The following LTBR variants were observed in gnomAD, a reference collection of about 807,000 sequenced individuals.
The protein encoded by LTBR is lymphotoxin beta receptor.
In LTBR, 15 loss-of-function variants were observed where a neutral mutation model predicts 45.4. That is an observed-to-expected ratio of 0.33 (90% CI 0.22 to 0.51). The LOEUF (loss-of-function observed/expected upper bound fraction) is 0.51. Ranked by LOEUF, LTBR falls within the 20% of genes least tolerant of loss-of-function variation. LTBR has a pLI of 0.97. For missense variants in LTBR, 450 were observed against 565.5 expected, an observed-to-expected ratio of 0.80 and a Z score of 2.07; for synonymous variants, 228 against 231.0, an observed-to-expected ratio of 0.99 and a Z score of 0.12.
At chr12:6,377,696 G>A (rs991894190) in intron 1 of LTBR, 24 of 1,294,462 alleles carry the variant, frequency 1.9e-5, no homozygotes, top group Non-Finnish European at 2.4e-5. Context: ...GCAATAAGGT[G>A]CTCAGCACCC....
At chr12:6,382,074 G>A (rs1254460487), upstream of LTBR, among the ~76,000 whole-genome samples, 1 of 96,972 alleles carries the variant, frequency 1.0e-5, no homozygotes, top group Non-Finnish European at 1.9e-5. Flanking sequence ...GTATCTGTAA[G>A]ATCAGTGTAC....
chr12:6,386,449 GGGACCAGGGCTGAGGGACAC>G lies in LTBR; in HGVS notation c.667+8_667+27del. ...CACTGCCCCCAGAGATGTCAGGTGA[GGGACCAGGGCTGAGGGACAC>G]GGGGGGGGCGCCTCTGAAAATGCCT... On this transcript the variant is annotated splice_donor_region_variant and intron_variant, in intron 6 of 9. Coordinates refer to ENST00000228918, the MANE Select transcript of LTBR (RefSeq NM_002342.3). This position sits in a 1 kb window ranked among gnomAD's most constrained non-coding sequence, Gnocchi z 4.1. The G allele has an allele frequency of 6.3e-7, 1 of 1,591,074 alleles. No homozygotes were observed. The highest frequency in any genetic ancestry group is 8.5e-7 in the Non-Finnish European group (1 of 1,171,858).
rs1421747720 is a variant in LTBR, at chr12:6,384,602, G to A, written c.111G>A (p.Ala37=). 1.9e-6 allele frequency: 3 copies of A among 1,614,148 alleles called. No individual in the cohort carries two copies. The highest frequency in any genetic ancestry group is 1.7e-5 in the Admixed American group (1 of 60,024). Residue 37 remains alanine, a synonymous_variant, in exon 2 of 10, where the codon GCG becomes GCA. Coordinates refer to ENST00000228918, the MANE Select transcript of LTBR (RefSeq NM_002342.3). The stretch of plus-strand genomic sequence containing the variant: ...TCCCTTTGAAGGTGCCTCCATATGC[G>A]TCGGAGAACCAGACCTGCAGGGACC... ...ASQPQAVPPY[A]SENQTCRDQE... is the part of the protein sequence containing the mutation.
upstream of LTBR, among the ~76,000 whole-genome samples, chr12:6,382,445 A>G (rs1409590658): frequency 6.6e-6 from 1 of 152,196 alleles, no homozygotes; most frequent in South Asian, 2.1e-4. Flanking sequence ...GAAGAGAGAG[A>G]AAAAAGGACC....
chr12:6,387,313 T>G (rs1443789498), intron 6 of LTBR: 1 of 152,318 alleles, frequency 6.6e-6, no homozygotes, highest in Non-Finnish European at 1.5e-5. Flanking sequence ...TGTTGTTTAC[T>G]AAAAGTGAAG....
chr12:6,386,733 C>A lies in LTBR; in HGVS notation c.667+289C>A. 1 of 327,370 alleles carries A rather than the reference C, an allele frequency of 3.1e-6. No individual in the cohort carries two copies. 20.3% of individuals were successfully genotyped at this position (327,370 alleles called of 1,614,324 possible). On this transcript the variant is annotated intron_variant, in intron 6 of 9. Transcript: ENST00000228918. The surrounding 1 kb of genome is among the most constrained non-coding windows in gnomAD (Gnocchi z 4.1). ...ATTGTCATCATTTTGGGCTTACCAACATTACACAATCCGTTTTTTTTTTTC... is the reference window on the plus strand; with the variant it reads ...ATTGTCATCATTTTGGGCTTACCAAAATTACACAATCCGTTTTTTTTTTTC...
In LTBR at chr12:6,388,928, C is replaced by T; in HGVS notation, c.801+103C>T. 3 of 1,386,064 alleles carry T rather than the reference C, an allele frequency of 2.2e-6. No homozygotes were observed. Among genetic ancestry groups the T allele is most frequent in the South Asian group, 2.4e-5 (2 of 83,694 alleles). The allele number at this position is 1,386,064 out of a possible 1,614,324, so 85.9% of individuals were successfully genotyped here. A position where few individuals can be genotyped will look rare whatever the true frequency, so the allele number is the denominator to read the frequency against. On this transcript the variant is annotated intron_variant, in intron 8 of 9. Transcript: ENST00000228918. This position sits in a 1 kb window ranked among gnomAD's most constrained non-coding sequence, Gnocchi z 4.3. ...TATGCAGGCTGACTCCACACTCATTCATTCATTCAACTGATGATTTACTGA... is the reference window on the plus strand; with the variant it reads ...TATGCAGGCTGACTCCACACTCATTTATTCATTCAACTGATGATTTACTGA...
Position 6,384,472 on chromosome 12 carries a change from T to A in LTBR, c.96+18T>A, listed in dbSNP as rs764759671. On this transcript the variant is annotated intron_variant, in intron 1 of 9. Transcript: ENST00000228918. ...CCCAGGCGGTGAGGAAGGGGCCTGGTAGGAGTGGGCGAGGGTGGGCAAGAG... is the reference window on the plus strand; with the variant it reads ...CCCAGGCGGTGAGGAAGGGGCCTGGAAGGAGTGGGCGAGGGTGGGCAAGAG... 1.0e-5 allele frequency: 16 copies of A among 1,568,246 alleles called. No homozygotes were observed. The highest frequency in any genetic ancestry group is 1.4e-5 in the Non-Finnish European group (16 of 1,157,520).
Position 6,390,645 on chromosome 12 carries a change from C to T in LTBR, c.1031-15C>T. On this transcript the variant is annotated splice_polypyrimidine_tract_variant and intron_variant, in intron 9 of 9. Coordinates refer to ENST00000228918, the MANE Select transcript of LTBR (RefSeq NM_002342.3). ...GGGGCCTTCCTTCCTCAACACTCTG[C>T]CTCCCTTCCTACAGGTACCAATGGC... 2 of 1,500,058 alleles carry T rather than the reference C, an allele frequency of 1.3e-6. No individual in the cohort carries two copies. Among genetic ancestry groups the T allele is most frequent in the South Asian group, 1.4e-5 (1 of 69,870 alleles). The allele number at this position is 1,500,058 out of a possible 1,614,324, so 92.9% of individuals were successfully genotyped here.
chr12:6,382,825 T>A (rs539474590), upstream of LTBR, among the ~76,000 whole-genome samples: 1 of 152,306 alleles, frequency 6.6e-6, no homozygotes, highest in Admixed American at 6.5e-5. Flanking sequence ...AGTGCCCAAG[T>A]GACCTATCTC....
chr12:6,383,263 AG>A (rs141373454), upstream of LTBR, among the ~76,000 whole-genome samples: 1,972 of 151,832 alleles, frequency 0.013, 41 homozygotes, highest in African/African-American at 0.045. Flanking sequence ...GGCAGCTGCA[AG>A]TAACTCCACG....
Position 6,391,520 on chromosome 12 carries a change from AGT to A in LTBR, c.*586_*587del, listed in dbSNP as rs1491317667. On this transcript the variant is annotated 3_prime_UTR_variant, in exon 10 of 10. Transcript: ENST00000228918. ...GTTTTGGAAGGGGAGGAAAATGGCA[AGT>A]GTATTTATATTGTAACCACATGCAA... 3.3e-5 allele frequency: 5 copies of A among 152,200 alleles called. No individual in the cohort carries two copies. The allele number at this position is 152,200 out of a possible 1,614,324, so 9.4% of individuals were successfully genotyped here.
Position 6,384,702 on chromosome 12 carries a change from G to C in LTBR, c.193+18G>C. On this transcript the variant is annotated intron_variant, in intron 2 of 9. Coordinates refer to ENST00000228918, the MANE Select transcript of LTBR (RefSeq NM_002342.3). ...CCCGCCAGGTGAGAGGCAATGGCAG[G>C]ACGAACCTGGGCCTCGGAAGTGGGT... 1 of 1,611,462 alleles carries C rather than the reference G, an allele frequency of 6.2e-7. No individual in the cohort carries two copies. The highest frequency in any genetic ancestry group is 8.5e-7 in the Non-Finnish European group (1 of 1,177,694).
Position 6,386,469 on chromosome 12 carries a change from C to CTG in LTBR, c.667+25_667+26insTG. 3 of 1,483,910 alleles carry CTG rather than the reference C, an allele frequency of 2.0e-6. No individual in the cohort carries two copies. The highest frequency in any genetic ancestry group is 2.8e-6 in the Non-Finnish European group (3 of 1,068,328). The allele number at this position is 1,483,910 out of a possible 1,614,324, so 91.9% of individuals were successfully genotyped here. On this transcript the variant is annotated intron_variant, in intron 6 of 9. Transcript: ENST00000228918. This position sits in a 1 kb window ranked among gnomAD's most constrained non-coding sequence, Gnocchi z 4.1. ...GGTGAGGGACCAGGGCTGAGGGACA[C>CTG]GGGGGGGGCGCCTCTGAAAATGCCT...
Position 6,385,394 on chromosome 12 carries a change from A to G in LTBR, c.472+15A>G, listed in dbSNP as rs1364833564. ...CGAGCTCAAAGGTCAGAGGTCCCTG[A>G]GGGGCTGGATGTGAAAAGGAGGCTG... On this transcript the variant is annotated intron_variant, in intron 4 of 9. Transcript: ENST00000228918. 1.2e-6 allele frequency: 2 copies of G among 1,613,336 alleles called. No individual in the cohort carries two copies. The highest frequency in any genetic ancestry group is 8.5e-7 in the Non-Finnish European group (1 of 1,179,724).
Position 6,386,567 on chromosome 12 carries a change from T to G in LTBR, c.667+123T>G. The G allele has an allele frequency of 1.4e-6, 1 of 721,086 alleles. No homozygotes were observed. 44.7% of individuals were successfully genotyped at this position (721,086 alleles called of 1,614,324 possible). ...TCCCAGAATTGGGCAAGAAGAAAGT[T>G]CCTTACAGAAAAAATTGGAGTATCT... On this transcript the variant is annotated intron_variant, in intron 6 of 9. Coordinates refer to ENST00000228918, the MANE Select transcript of LTBR (RefSeq NM_002342.3). This position sits in a 1 kb window ranked among gnomAD's most constrained non-coding sequence, Gnocchi z 4.1.
upstream of LTBR, chr12:6,375,293 T>TC (rs933117384): frequency 8.1e-5 from 116 of 1,435,382 alleles, no homozygotes; most frequent in East Asian, 2.4e-3. Flanking sequence ...TCTCTTCCTC[T>TC]CCCCCCCTTG....
chr12:6,388,554 G>C lies in LTBR; in HGVS notation c.775+49G>C, dbSNP rs1423850570. The C allele has an allele frequency of 6.5e-7, 1 of 1,531,396 alleles. No homozygotes were observed. Among genetic ancestry groups the C allele is most frequent in the Non-Finnish European group, 9.0e-7 (1 of 1,106,184 alleles). The allele number at this position is 1,531,396 out of a possible 1,614,324, so 94.9% of individuals were successfully genotyped here. A position where few individuals can be genotyped will look rare whatever the true frequency, so the allele number is the denominator to read the frequency against. ...GATGGTTGGCAATGGGAGCCGGAGG[G>C]AGGAATATTCAACTTCCCCGGTGCA... On this transcript the variant is annotated intron_variant, in intron 7 of 9. Coordinates refer to ENST00000228918, the MANE Select transcript of LTBR (RefSeq NM_002342.3). The surrounding 1 kb of genome is among the most constrained non-coding windows in gnomAD (Gnocchi z 4.3).
At chr12:6,379,747 G>A (rs1948960858), upstream of LTBR, among the ~76,000 whole-genome samples, 1 of 148,120 alleles carries the variant, frequency 6.8e-6, no homozygotes, top group African/African-American at 2.5e-5. Flanking sequence ...TGGCTAACAT[G>A]GTGAAACCCC....
Sources: gnomAD v4.1 joint callset for allele counts (sites outside exome capture counted in the v4.1 genomes callset) on GRCh38, gnomAD v4.1.1 for gene constraint, Gnocchi (gnomAD v3.1) non-coding constraint, MANE v1.5 for transcripts, NCBI Gene and HGNC (gene_info 2026-07-23, HGNC 2026-07-21) for gene names.